Variants in MACROD2 observed in about 807,000 individuals in gnomAD.
The protein encoded by MACROD2 is ADP-ribose glycohydrolase MACROD2.
A neutral mutation model predicts 70.4 loss-of-function variants in MACROD2; 36 were observed. The observed-to-expected ratio is 0.51, with a 90% CI of 0.39 to 0.68. The LOEUF (loss-of-function observed/expected upper bound fraction) is 0.68. Among genes scored for constraint, MACROD2 ranks in the 30% least tolerant of loss-of-function variants. The pLI is 0.00. For missense variants in MACROD2, 496 were observed against 538.4 expected (o/e 0.92, Z 0.78); for synonymous variants, 172 against 178.8 (o/e 0.96, Z 0.30).
intron 2 of MACROD2, among the ~76,000 whole-genome samples, chr20:14,036,780 C>T (rs2053316900): frequency 6.6e-6 from 1 of 152,332 alleles, no homozygotes; most frequent in Non-Finnish European, 1.5e-5. Context: ...TCTCCCACCT[C>T]AGCCTCCCGA....
At chr20:14,226,757 G>A (rs1047297766) in intron 3 of MACROD2, among the ~76,000 whole-genome samples, 9 of 152,310 alleles carry the variant, frequency 5.9e-5, no homozygotes, top group African/African-American at 1.9e-4. Context: ...GGCAGGGCTC[G>A]GGACCTGCAG....
At chr20:15,329,808 G>T (rs1386502313) in intron 6 of MACROD2, among the ~76,000 whole-genome samples, 1 of 152,008 alleles carries the variant, frequency 6.6e-6, no homozygotes, top group Non-Finnish European at 1.5e-5. Context: ...CAGAAACGCT[G>T]ATGGCAATCT....
intron 5 of MACROD2, among the ~76,000 whole-genome samples, chr20:14,781,011 T>C (rs1040963809): frequency 1.3e-5 from 2 of 152,202 alleles, no homozygotes; most frequent in Non-Finnish European, 2.9e-5. Context: ...AGAACTAGCA[T>C]ATCTATCACT....
chr20:14,126,319 T>C (rs895788228), intron 3 of MACROD2, among the ~76,000 whole-genome samples: 1 of 152,176 alleles, frequency 6.6e-6, no homozygotes, highest in Non-Finnish European at 1.5e-5. Context: ...TATAAGGACA[T>C]CAGTCAAATT....
intron 3 of MACROD2, among the ~76,000 whole-genome samples, chr20:14,306,019 C>G (rs747027695): frequency 1.3e-5 from 2 of 151,984 alleles, no homozygotes; most frequent in Non-Finnish European, 2.9e-5. Context: ...TTCTCTCTCT[C>G]CCTGCTAAAT....
At chr20:14,937,235 G>A (rs2074348075) in intron 5 of MACROD2, among the ~76,000 whole-genome samples, 1 of 152,032 alleles carries the variant, frequency 6.6e-6, no homozygotes, top group Admixed American at 6.6e-5. Context: ...GTCTGGGAGT[G>A]TGAGTGGAGG....
chr20:14,527,637 A>G (rs963345232), intron 4 of MACROD2, among the ~76,000 whole-genome samples: 3 of 152,232 alleles, frequency 2.0e-5, no homozygotes, highest in Middle Eastern at 3.2e-3. Flanking sequence ...ACAATGTCTC[A>G]CGCTGTGCAT....
intron 15 of MACROD2, among the ~76,000 whole-genome samples, chr20:15,996,223 C>G (rs1177323403): frequency 6.6e-6 from 1 of 152,110 alleles, no homozygotes; most frequent in Non-Finnish European, 1.5e-5. Context: ...GGTCATATCT[C>G]ATTGTGATTT....
chr20:14,422,068 C>A (rs1393639179), intron 3 of MACROD2, among the ~76,000 whole-genome samples: 1 of 152,066 alleles, frequency 6.6e-6, no homozygotes, highest in African/African-American at 2.4e-5. Context: ...ATGTTTGTTT[C>A]ACATATTTTG....
At chr20:15,556,976 T>C (rs1337763390) in intron 8 of MACROD2, among the ~76,000 whole-genome samples, 1 of 152,208 alleles carries the variant, frequency 6.6e-6, no homozygotes, top group Non-Finnish European at 1.5e-5. Flanking sequence ...TTTACCTATC[T>C]AGGACCCATA....
intron 5 of MACROD2, among the ~76,000 whole-genome samples, chr20:14,849,567 G>A (rs2073177074): frequency 6.6e-6 from 1 of 152,052 alleles, no homozygotes; most frequent in African/African-American, 2.4e-5. Flanking sequence ...ATCACTTGAG[G>A]TCAGGAGTTC....
Position 16,044,562 on chromosome 20 carries a change from TGGTGAC to T in MACROD2, c.1232-8_1232-3del. On this transcript the variant is annotated splice_polypyrimidine_tract_variant and splice_region_variant and intron_variant, in intron 16 of 17. Transcript: ENST00000684519. ...GAATATTTAACTTTTTTTTTTTTTC[TGGTGAC>T]AGTTGAAATGAATAGTCAGGTTGAC... The T allele has an allele frequency of 6.2e-7, 1 of 1,605,352 alleles. No homozygotes were observed. The highest frequency in any genetic ancestry group is 8.5e-7 in the Non-Finnish European group (1 of 1,175,940).
At chr20:15,443,893 T>C (rs1235933171) in intron 7 of MACROD2, among the ~76,000 whole-genome samples, 1 of 152,170 alleles carries the variant, frequency 6.6e-6, no homozygotes, top group East Asian at 1.9e-4. Context: ...TAAGGAATGA[T>C]TTCATTCAGA....
chr20:15,638,894 A>G (rs1362509), intron 8 of MACROD2, among the ~76,000 whole-genome samples: 108,600 of 151,576 alleles, frequency 0.72, 40,585 homozygotes, highest in Non-Finnish European at 0.84. Flanking sequence ...CATCCGGAAC[A>G]GAGTTGAAAT....
intron 6 of MACROD2, among the ~76,000 whole-genome samples, chr20:15,349,666 G>C (rs1274467546): frequency 6.6e-6 from 1 of 150,696 alleles, no homozygotes; most frequent in Non-Finnish European, 1.5e-5. Context: ...TAAGGCAGGA[G>C]AATCGCTTGA....
rs528000250 is a variant in MACROD2, at chr20:15,161,243, A to G, written c.419-68697A>G. 2.0e-3 allele frequency among the ~76,000 whole-genome samples: 299 copies of G among 152,040 alleles called. 2 individuals carry two copies. Among genetic ancestry groups the G allele is most frequent in the Middle Eastern group, 0.01 (3 of 292 alleles). ...CAACTGAGGACATAATATGCTCAAT[A>G]AAAAAATCATTTGCAGGTCTTTTGG... is the stretch of plus-strand genomic sequence containing the variant. On this transcript the variant is annotated intron_variant, in intron 5 of 17. Transcript: ENST00000684519.
At chr20:14,455,708 T>A (rs1031205986) in intron 3 of MACROD2, among the ~76,000 whole-genome samples, 1 of 151,800 alleles carries the variant, frequency 6.6e-6, no homozygotes, top group Non-Finnish European at 1.5e-5. Flanking sequence ...AACATCATTA[T>A]TTTTTGCCCT....
chr20:15,986,262 C>T (rs568162286), intron 13 of MACROD2, among the ~76,000 whole-genome samples: 24 of 152,328 alleles, frequency 1.6e-4, no homozygotes, highest in African/African-American at 5.8e-4. Context: ...GTTATCCCCC[C>T]AGTTCCCTTG....
chr20:14,638,256 T>C (rs1258909589), intron 4 of MACROD2, among the ~76,000 whole-genome samples: 1 of 152,210 alleles, frequency 6.6e-6, no homozygotes, highest in African/African-American at 2.4e-5. Context: ...AAAATATTAT[T>C]ACATTTCATA....
Sources: allele counts gnomAD v4.1 joint callset (sites outside exome capture counted in the v4.1 genomes callset), GRCh38; gene constraint gnomAD v4.1.1; transcripts MANE v1.5; gene names NCBI Gene and HGNC (gene_info 2026-07-23, HGNC 2026-07-21).